The following TG variants were observed in gnomAD, a reference collection of about 807,000 sequenced individuals.
The protein encoded by TG is thyroglobulin.
Under a neutral mutation model 324.7 loss-of-function variants are expected in TG, and 270 were observed. The ratio of observed to expected loss-of-function variants is 0.83; its 90% CI spans 0.75 to 0.92. The LOEUF (loss-of-function observed/expected upper bound fraction) is 0.92. Ranked by LOEUF, TG falls within the 40% of genes least tolerant of loss-of-function variation. The pLI is 0.00. For missense variants in TG, 3,591 were observed against 3,456.4 expected, an observed-to-expected ratio of 1.04 and a Z score of -0.98; for synonymous variants, 1,401 against 1,327.0, an observed-to-expected ratio of 1.06 and a Z score of -1.21.
intron 41 of TG, chr8:133,038,321 A>G (rs1352794464): frequency 3.3e-6 from 2 of 597,038 alleles, no homozygotes; most frequent in South Asian, 4.0e-5. Flanking sequence ...GTGATGCCAC[A>G]GCCCTGATCA....
At chr8:133,103,753 A>T (rs990215142) in intron 43 of TG, among the ~76,000 whole-genome samples, 9 of 152,220 alleles carry the variant, frequency 5.9e-5, no homozygotes, top group Non-Finnish European at 1.0e-4. Flanking sequence ...GTCAGGAGTC[A>T]TTCAAGCATT....
intron 23 of TG, among the ~76,000 whole-genome samples, chr8:132,931,411 A>C (rs992494823): frequency 6.6e-5 from 10 of 152,188 alleles, no homozygotes; most frequent in Non-Finnish European, 1.3e-4. Flanking sequence ...GGTAGATCGA[A>C]GGGCCATTTA....
intron 20 of TG, among the ~76,000 whole-genome samples, chr8:132,915,694 G>T (rs905322784): frequency 3.3e-5 from 5 of 152,200 alleles, no homozygotes; most frequent in Non-Finnish European, 1.5e-5. Context: ...CAGCCATTGT[G>T]GGGAGAAACA....
intron 25 of TG, among the ~76,000 whole-genome samples, chr8:132,939,506 G>T (rs1824106897): frequency 6.6e-6 from 1 of 152,188 alleles, no homozygotes; most frequent in Non-Finnish European, 1.5e-5. Flanking sequence ...CTGGGCTTTG[G>T]TGAAGAGTGG....
At chr8:133,076,696 C>T (rs537784875) in intron 41 of TG, 1 of 150,666 alleles carries the variant, frequency 6.6e-6, no homozygotes, top group African/African-American at 2.5e-5. Context: ...GAATTTATTC[C>T]CTGTCATTTC....
intron 43 of TG, among the ~76,000 whole-genome samples, chr8:133,107,982 C>CTTTTCCTCTTTTT (rs1554725841): frequency 2.2e-5 from 3 of 134,122 alleles, no homozygotes; most frequent in African/African-American, 2.8e-5. Flanking sequence ...TTCTTTTCTT[C>CTTTTCCTCTTTTT]TTTTTTTTTT....
At chr8:132,959,128 G>A (rs1237013895) in intron 27 of TG, among the ~76,000 whole-genome samples, 1 of 152,198 alleles carries the variant, frequency 6.6e-6, no homozygotes, top group Non-Finnish European at 1.5e-5. Context: ...AAAATCAAAT[G>A]AAAGTGCAAC....
chr8:132,980,421 G>A (rs1346490891), intron 34 of TG, among the ~76,000 whole-genome samples: 1 of 152,134 alleles, frequency 6.6e-6, no homozygotes, highest in Non-Finnish European at 1.5e-5. Context: ...CAGAGGTGCT[G>A]GGAGGGTGGG....
At chr8:133,111,770 A>T (rs1850265403) in intron 43 of TG, among the ~76,000 whole-genome samples, 1 of 152,250 alleles carries the variant, frequency 6.6e-6, no homozygotes, top group South Asian at 2.1e-4. Context: ...CGCTGATATG[A>T]TGAATATTCA....
chr8:132,923,813 C>T (rs182611515), intron 22 of TG, among the ~76,000 whole-genome samples: 1 of 151,994 alleles, frequency 6.6e-6, no homozygotes. Flanking sequence ...ATTAAAAGAT[C>T]TGTGGAGGCC....
At chr8:132,898,103 T>C (rs2132262979) in intron 12 of TG, 66 bp from the exon 13 acceptor site, 2 of 1,457,286 alleles carry the variant, frequency 1.4e-6, no homozygotes, top group Non-Finnish European at 1.9e-6. Flanking sequence ...GAAAGTTGTT[T>C]ATGGGACACT....
At chr8:132,964,414 A>G (rs1321403621) in intron 29 of TG, among the ~76,000 whole-genome samples, 5 of 152,116 alleles carry the variant, frequency 3.3e-5, no homozygotes, top group Non-Finnish European at 2.9e-5. Flanking sequence ...TGGAGAAAAA[A>G]ATCACATTGA....
At position 132,975,160 on chromosome 8, in the gene TG, G is replaced by A. The variant is rs115183020; in HGVS notation, c.6199+2419G>A. ...TGACCCCAAAGGAGACCCAGTGCCAGCACTAGGTATTTGGGAGACTTCAGA... is the reference window on the plus strand; with the variant it reads ...TGACCCCAAAGGAGACCCAGTGCCAACACTAGGTATTTGGGAGACTTCAGA... On this transcript the variant is annotated intron_variant, in intron 34 of 47. Coordinates refer to ENST00000220616, the MANE Select transcript of TG (RefSeq NM_003235.5). 9.2e-3 allele frequency among the ~76,000 whole-genome samples: 1,395 copies of A among 152,268 alleles called. 14 individuals carry two copies. The highest frequency in any genetic ancestry group is 0.031 in the Middle Eastern group (9 of 294).
intron 27 of TG, among the ~76,000 whole-genome samples, chr8:132,951,958 G>A (rs575682620): frequency 6.6e-6 from 1 of 152,310 alleles, no homozygotes; most frequent in East Asian, 1.9e-4. Flanking sequence ...GGAGGGCATG[G>A]AATGATTTGA....
chr8:132,888,798 T>C (rs974569028), intron 10 of TG, among the ~76,000 whole-genome samples: 1 of 152,222 alleles, frequency 6.6e-6, no homozygotes, highest in Non-Finnish European at 1.5e-5. Context: ...AACTTTCATA[T>C]AATTGATTAC....
intron 29 of TG, among the ~76,000 whole-genome samples, chr8:132,965,650 T>G (rs1459222458): frequency 1.3e-5 from 2 of 152,196 alleles, no homozygotes; most frequent in Non-Finnish European, 2.9e-5. Context: ...ATAGAACCTC[T>G]TTATAGAGTC....
Position 132,921,308 on chromosome 8 carries a change from G to A in TG, c.4528+1783G>A, listed in dbSNP as rs143974670. Among the ~76,000 whole-genome samples, 25 of 152,326 alleles carry A rather than the reference G, an allele frequency of 1.6e-4. No homozygotes were observed. In the East Asian group the frequency reaches 2.5e-3, roughly 15 times the overall value. On this transcript the variant is annotated intron_variant, in intron 21 of 47. Transcript: ENST00000220616. ...GCATTTATTCCCCACCCATTTTGGG[G>A]GTGAGCATTGATTGCATTTTCATGC...
intron 19 of TG, among the ~76,000 whole-genome samples, chr8:132,911,952 A>C (rs1819594222): frequency 1.3e-5 from 2 of 152,176 alleles, no homozygotes; most frequent in African/African-American, 4.8e-5. Context: ...AACAGAGGAG[A>C]GAGAGAAGAA....
At chr8:132,890,391 T>TG (rs1162325381) in intron 10 of TG, among the ~76,000 whole-genome samples, 1 of 152,168 alleles carries the variant, frequency 6.6e-6, no homozygotes, top group Non-Finnish European at 1.5e-5. Context: ...GATAAGGGTA[T>TG]GCAATTGAAA....
Sources: gnomAD v4.1 joint callset for allele counts (sites outside exome capture counted in the v4.1 genomes callset) on GRCh38, gnomAD v4.1.1 for gene constraint, MANE v1.5 for transcripts, NCBI Gene and HGNC (gene_info 2026-07-23, HGNC 2026-07-21) for gene names.